ADAM10: variants seen among roughly 807,000 people sequenced by gnomAD.
The protein encoded by ADAM10 is ADAM metallopeptidase domain 10, also known as disintegrin and metalloproteinase domain-containing protein 10.
In ADAM10, 17 loss-of-function variants were observed where a neutral mutation model predicts 90.1. The observed-to-expected ratio is 0.19, with a 90% CI of 0.13 to 0.28. The LOEUF (loss-of-function observed/expected upper bound fraction) is 0.28, where lower values mean the gene tolerates loss of function less well. Ranked by LOEUF, ADAM10 falls within the 10% of genes least tolerant of loss-of-function variation. ADAM10 has a pLI of 1.00. For synonymous variants in ADAM10, 310 were observed against 298.6 expected, an observed-to-expected ratio of 1.04 and a Z score of -0.40; for missense variants, 610 against 914.3, an observed-to-expected ratio of 0.67 and a Z score of 4.29.
chr15:58,743,793 A>G (rs1452946638), intron 1 of ADAM10, among the ~76,000 whole-genome samples: 1 of 152,028 alleles, frequency 6.6e-6, no homozygotes, highest in African/African-American at 2.4e-5. Flanking sequence ...TTTAGTAGAG[A>G]GGGGGTTTCG....
chr15:58,615,616 A>T (rs1002945754), intron 11 of ADAM10, among the ~76,000 whole-genome samples: 3 of 152,198 alleles, frequency 2.0e-5, no homozygotes, highest in Admixed American at 6.5e-5. Context: ...TATATAGACT[A>T]AAAGTAAAGG....
chr15:58,712,598 T>C (rs561238568), intron 2 of ADAM10, among the ~76,000 whole-genome samples: 146 of 150,194 alleles, frequency 9.7e-4, no homozygotes, highest in African/African-American at 3.5e-3. Context: ...GGTGGGCGGA[T>C]CATGAGGTCA....
chr15:58,644,841 C>T (rs1454787385), intron 6 of ADAM10, among the ~76,000 whole-genome samples: 10 of 152,186 alleles, frequency 6.6e-5, no homozygotes, highest in African/African-American at 2.4e-4. Flanking sequence ...TATAAATTTA[C>T]AGAGGCTTAC....
chr15:58,651,491 A>G (rs1305202266), intron 5 of ADAM10, among the ~76,000 whole-genome samples: 1 of 152,184 alleles, frequency 6.6e-6, no homozygotes, highest in South Asian at 2.1e-4. Flanking sequence ...GCTCCTACAA[A>G]TAAGTGAGAA....
chr15:58,740,061 T>C (rs1021583038), intron 1 of ADAM10, among the ~76,000 whole-genome samples: 4 of 152,210 alleles, frequency 2.6e-5, no homozygotes, highest in Non-Finnish European at 5.9e-5. Context: ...CCTCTTAACA[T>C]TGTCTTTCTA....
At chr15:58,631,502 G>A (rs900697796) in intron 9 of ADAM10, among the ~76,000 whole-genome samples, 1 of 152,188 alleles carries the variant, frequency 6.6e-6, no homozygotes, top group Non-Finnish European at 1.5e-5. Flanking sequence ...GTGGTTCACA[G>A]ATGAGCACCA....
At chr15:58,628,024 A>G in intron 9 of ADAM10, 141 bp from the exon 10 acceptor site, 2 of 842,014 alleles carry the variant, frequency 2.4e-6, no homozygotes, top group Non-Finnish European at 3.7e-6. Flanking sequence ...ATTGTTTTAC[A>G]CCTTGAGTAG....
chr15:58,652,887 T>C (rs190741676), intron 5 of ADAM10, among the ~76,000 whole-genome samples: 1 of 152,338 alleles, frequency 6.6e-6, no homozygotes, highest in East Asian at 1.9e-4. Context: ...TTTTCTGTCT[T>C]CTTCGATTTC....
rs143153972 is a variant in ADAM10 at position 58,662,037 on chromosome 15, CGTT to C, written c.585+3057_585+3059del. 2.6e-3 allele frequency among the ~76,000 whole-genome samples: 390 copies of C among 152,098 alleles called. 1 individual carries two copies. Among genetic ancestry groups the C allele is most frequent in the African/African-American group, 8.9e-3 (371 of 41,492 alleles). ...CCTGTTAACATCTGTAATTAACAGA[CGTT>C]GTGTTTCTATTTAGGTGGCTTTTCT... On this transcript the variant is annotated intron_variant, in intron 5 of 15. Coordinates refer to ENST00000260408, the MANE Select transcript of ADAM10 (RefSeq NM_001110.4).
chr15:58,705,209 G>GTCA (rs1457813066), intron 2 of ADAM10, among the ~76,000 whole-genome samples: 1 of 152,002 alleles, frequency 6.6e-6, no homozygotes, highest in Non-Finnish European at 1.5e-5. Context: ...ATACTACACC[G>GTCA]TCATCAAAAA....
Position 58,593,792 on chromosome 15 carries a change from C to T in ADAM10, c.*3755G>A, listed in dbSNP as rs2140981287. ...AGAAGAGATGCTCTGAAGAACTTAC[C>T]AATTATAAAATACATGAATTTCTAC... On this transcript the variant is annotated 3_prime_UTR_variant, in exon 16 of 16. Coordinates refer to ENST00000260408, the MANE Select transcript of ADAM10 (RefSeq NM_001110.4). The T allele has an allele frequency of 6.6e-6, 1 of 152,154 alleles. No individual in the cohort carries two copies. The highest frequency in any genetic ancestry group is 6.5e-5 in the Admixed American group (1 of 15,282). 9.4% of individuals were successfully genotyped at this position (152,154 alleles called of 1,614,324 possible). A position where few individuals can be genotyped will look rare whatever the true frequency, so the allele number is the denominator to read the frequency against.
At chr15:58,691,632 T>A in intron 2 of ADAM10, 1 of 428,000 alleles carries the variant, frequency 2.3e-6, no homozygotes, top group South Asian at 1.8e-5. Flanking sequence ...ATTCTCCTTG[T>A]CTTCTGCCAG....
At chr15:58,682,727 G>A (rs1331299683) in intron 2 of ADAM10, among the ~76,000 whole-genome samples, 1 of 152,044 alleles carries the variant, frequency 6.6e-6, no homozygotes, top group East Asian at 1.9e-4. Flanking sequence ...AGTTAAATAA[G>A]AAAATACAGA....
chr15:58,592,139 A>C lies in ADAM10; in HGVS notation c.*5408T>G, dbSNP rs540248888. The C allele has an allele frequency of 6.6e-6, 1 of 152,170 alleles. No homozygotes were observed. Among genetic ancestry groups the C allele is most frequent in the Non-Finnish European group, 1.5e-5 (1 of 68,048 alleles). 9.4% of individuals were successfully genotyped at this position (152,170 alleles called of 1,614,324 possible). The stretch of plus-strand genomic sequence containing the variant: ...GGAGGCTTCATCATGATGAGATGTG[A>C]CTTTTGGCAGAACTGCTTCATAGGT... On this transcript the variant is annotated 3_prime_UTR_variant, in exon 16 of 16. Coordinates refer to ENST00000260408, the MANE Select transcript of ADAM10 (RefSeq NM_001110.4).
chr15:58,657,329 T>C (rs1415696729), intron 5 of ADAM10, among the ~76,000 whole-genome samples: 1 of 152,198 alleles, frequency 6.6e-6, no homozygotes, highest in East Asian at 1.9e-4. Context: ...ATTCTTATGT[T>C]TGCCCTTTTG....
chr15:58,672,921 C>G (rs972361127), intron 4 of ADAM10: 13 of 190,408 alleles, frequency 6.8e-5, no homozygotes, highest in Non-Finnish European at 1.4e-4. Context: ...TGAAGATGAT[C>G]ATAATGAATA....
intron 5 of ADAM10, among the ~76,000 whole-genome samples, chr15:58,658,458 G>A (rs1324083338): frequency 1.3e-5 from 2 of 151,530 alleles, no homozygotes; most frequent in Admixed American, 1.3e-4. Context: ...GTTCTTTTTT[G>A]AAAATTGTTT....
In ADAM10 at chr15:58,592,620, C is replaced by T. The variant is rs1338755302; in HGVS notation, c.*4927G>A. On this transcript the variant is annotated 3_prime_UTR_variant, in exon 16 of 16. Coordinates refer to ENST00000260408, the MANE Select transcript of ADAM10 (RefSeq NM_001110.4). ...GGTACTTAAGAGACCACAATTAGGG[C>T]ACTCAATTTGACTTGCATTTGAATT... 1.3e-5 allele frequency: 2 copies of T among 152,206 alleles called. No homozygotes were observed. Among genetic ancestry groups the T allele is most frequent in the Admixed American group, 6.5e-5 (1 of 15,288 alleles). The allele number at this position is 152,206 out of a possible 1,614,324, so 9.4% of individuals were successfully genotyped here. A position where few individuals can be genotyped will look rare whatever the true frequency, so the allele number is the denominator to read the frequency against.
In ADAM10 at chr15:58,595,203, G is replaced by C. The variant is rs1894918595; in HGVS notation, c.*2344C>G. 6.6e-6 allele frequency: 1 copy of C among 151,980 alleles called. No individual in the cohort carries two copies. Among genetic ancestry groups the C allele is most frequent in the Non-Finnish European group, 1.5e-5 (1 of 67,944 alleles). 9.4% of individuals were successfully genotyped at this position (151,980 alleles called of 1,614,324 possible). A position where few individuals can be genotyped will look rare whatever the true frequency, so the allele number is the denominator to read the frequency against. ...AAACAATGTAATGCAGTTGAGATTA[G>C]TTGGGTGTTTTAAAAAGGTTTATTG... On this transcript the variant is annotated 3_prime_UTR_variant, in exon 16 of 16. Transcript: ENST00000260408.
Sources: allele counts gnomAD v4.1 joint callset (sites outside exome capture counted in the v4.1 genomes callset), GRCh38; gene constraint gnomAD v4.1.1; transcripts MANE v1.5; gene names NCBI Gene and HGNC (gene_info 2026-07-23, HGNC 2026-07-21).